The following CDH12 variants were observed in gnomAD, a reference collection of about 807,000 sequenced individuals.
CDH12 encodes cadherin-12.
In CDH12, 41 loss-of-function variants were observed where a neutral mutation model predicts 74.1. The observed-to-expected ratio is 0.55, with a 90% CI of 0.43 to 0.72. The LOEUF (loss-of-function observed/expected upper bound fraction) is 0.72, where lower values mean the gene tolerates loss of function less well. Ranked by LOEUF, CDH12 falls within the 30% of genes least tolerant of loss-of-function variation. CDH12 has a pLI of 0.00. For synonymous variants in CDH12, 399 were observed against 355.0 expected (o/e 1.12, Z -1.39); for missense variants, 945 against 977.2 (o/e 0.97, Z 0.44).
At chr5:22,518,312 A>T (rs965319550) in intron 1 of CDH12, among the ~76,000 whole-genome samples, 2 of 152,220 alleles carry the variant, frequency 1.3e-5, no homozygotes, top group African/African-American at 2.4e-5. Flanking sequence ...CACAAGGAAA[A>T]TGTAGCAGAA....
At chr5:22,313,043 G>A (rs1738458105) in intron 3 of CDH12, among the ~76,000 whole-genome samples, 1 of 152,028 alleles carries the variant, frequency 6.6e-6, no homozygotes, top group African/African-American at 2.4e-5. Flanking sequence ...AGCATCCTAG[G>A]CCACTACATC....
intron 6 of CDH12, among the ~76,000 whole-genome samples, chr5:21,929,429 C>T (rs932984259): frequency 1.3e-5 from 2 of 151,592 alleles, no homozygotes; most frequent in African/African-American, 2.4e-5. Flanking sequence ...AAGGAGTGTA[C>T]AGCCTAGATC....
chr5:22,394,152 G>C (rs896021110), intron 3 of CDH12, among the ~76,000 whole-genome samples: 1 of 152,040 alleles, frequency 6.6e-6, no homozygotes, highest in African/African-American at 2.4e-5. Flanking sequence ...GATATTACTG[G>C]ACAACCTTCT....
rs1220348014 is a variant in CDH12 at position 22,028,297 on chromosome 5, A to G, written c.231+50149T>C. On this transcript the variant is annotated intron_variant, in intron 5 of 14. Coordinates refer to ENST00000382254, the MANE Select transcript of CDH12 (RefSeq NM_004061.5). The stretch of plus-strand genomic sequence containing the variant: ...AGGAGAAGGAAATAAAGGGTATTCA[A>G]TTAGGAAAAGAAGAAGTCAAATTGT... 2.2e-4 allele frequency among the ~76,000 whole-genome samples: 33 copies of G among 152,290 alleles called. 1 individual carries two copies. Among genetic ancestry groups the G allele is most frequent in the Admixed American group, 1.8e-3 (28 of 15,292 alleles).
At chr5:22,387,189 T>C (rs1460580972) in intron 3 of CDH12, among the ~76,000 whole-genome samples, 3 of 152,024 alleles carry the variant, frequency 2.0e-5, no homozygotes, top group Non-Finnish European at 4.4e-5. Context: ...ACTTCTAACA[T>C]ACTATTATTT....
chr5:21,791,497 A>T (rs10074824), intron 10 of CDH12, among the ~76,000 whole-genome samples: 1 of 151,960 alleles, frequency 6.6e-6, no homozygotes, highest in African/African-American at 2.4e-5. Context: ...TATAACATGA[A>T]CTGTGTAATT....
At chr5:21,830,300 T>C (rs1748942019) in intron 8 of CDH12, among the ~76,000 whole-genome samples, 1 of 150,278 alleles carries the variant, frequency 6.7e-6, no homozygotes, top group Non-Finnish European at 1.5e-5. Context: ...CACCACTTGT[T>C]CATCTCCACT....
intron 6 of CDH12, among the ~76,000 whole-genome samples, chr5:21,949,238 C>A (rs1755716143): frequency 1.3e-5 from 2 of 152,022 alleles, no homozygotes; most frequent in African/African-American, 4.8e-5. Context: ...ATCACGAGGT[C>A]AGGAGATCGA....
At chr5:22,086,536 T>G (rs1743080471) in intron 4 of CDH12, among the ~76,000 whole-genome samples, 1 of 151,970 alleles carries the variant, frequency 6.6e-6, no homozygotes, top group Non-Finnish European at 1.5e-5. Flanking sequence ...TTTGTTTGTT[T>G]GTTTGTTTTT....
intron 1 of CDH12, among the ~76,000 whole-genome samples, chr5:22,834,021 G>C (rs904879772): frequency 3.3e-5 from 5 of 152,124 alleles, no homozygotes; most frequent in African/African-American, 1.2e-4. Flanking sequence ...AGATAGACTA[G>C]ACAGCATGAC....
intron 3 of CDH12, among the ~76,000 whole-genome samples, chr5:22,249,848 G>C (rs957965697): frequency 1.4e-5 from 2 of 140,548 alleles, no homozygotes; most frequent in African/African-American, 2.7e-5. Context: ...AATTGCAATG[G>C]ATTATACCTA....
intron 5 of CDH12, among the ~76,000 whole-genome samples, chr5:22,026,469 C>T (rs1187043432): frequency 6.6e-6 from 1 of 152,182 alleles, no homozygotes; most frequent in Non-Finnish European, 1.5e-5. Flanking sequence ...CCATTCCCAT[C>T]ATGCACCTGA....
Position 22,008,950 on chromosome 5 carries a change from G to A in CDH12, c.232-33565C>T, listed in dbSNP as rs114039692. ...ATTATCTTCCATCCTCTTCTATGGC[G>A]TAGAACTTGCTTAATTTTTTGAATG... On this transcript the variant is annotated intron_variant, in intron 5 of 14. Transcript: ENST00000382254. Among the ~76,000 whole-genome samples the A allele has an allele frequency of 4.3e-3, 648 of 152,282 alleles. 8 individuals carry two copies. Among genetic ancestry groups the A allele is most frequent in the Middle Eastern group, 0.014 (4 of 294 alleles).
At chr5:22,311,626 C>T (rs1354984517) in intron 3 of CDH12, among the ~76,000 whole-genome samples, 6 of 150,362 alleles carry the variant, frequency 4.0e-5, no homozygotes, top group Non-Finnish European at 8.8e-5. Context: ...TCGCTTGAAC[C>T]TGGGAGGCAG....
chr5:22,425,532 A>C (rs1743892080), intron 2 of CDH12, among the ~76,000 whole-genome samples: 1 of 152,034 alleles, frequency 6.6e-6, no homozygotes, highest in South Asian at 2.1e-4. Flanking sequence ...ATAATATGAA[A>C]TATGATATGA....
At chr5:21,798,295 C>T (rs1376493428) in intron 10 of CDH12, among the ~76,000 whole-genome samples, 1 of 150,836 alleles carries the variant, frequency 6.6e-6, no homozygotes, top group East Asian at 1.9e-4. Context: ...GCATATAGCC[C>T]TATAAACCAT....
chr5:22,545,951 T>TTGC (rs1738307626), intron 1 of CDH12, among the ~76,000 whole-genome samples: 1 of 152,062 alleles, frequency 6.6e-6, no homozygotes, highest in Admixed American at 6.6e-5. Context: ...GTTGTTGTTG[T>TTGC]TGTTGCTTTT....
intron 3 of CDH12, among the ~76,000 whole-genome samples, chr5:22,274,959 T>C (rs1035325379): frequency 6.6e-6 from 1 of 152,176 alleles, no homozygotes; most frequent in Non-Finnish European, 1.5e-5. Context: ...GTGCACTGTA[T>C]GAGTTCCAAT....
chr5:21,880,535 T>TCCTTCCTTCCTTCC lies in CDH12; in HGVS notation c.527-25746_527-25745insGGAAGGAAGGAAGG, dbSNP rs1752208135. ...CCTCCCTCTTTTCTTTCTTCCTTCT[T>TCCTTCCTTCCTTCC]TTCCTTCCTTCCTTCCTTCCTTCCT... is the stretch of plus-strand genomic sequence containing the variant. On this transcript the variant is annotated intron_variant, in intron 6 of 14. Coordinates refer to ENST00000382254, the MANE Select transcript of CDH12 (RefSeq NM_004061.5). Among the ~76,000 whole-genome samples the TCCTTCCTTCCTTCC allele has an allele frequency of 6.4e-5, 2 of 31,300 alleles. 1 individual carries two copies. The highest frequency in any genetic ancestry group is 1.3e-4 in the African/African-American group (2 of 14,982). 20.5% of individuals were successfully genotyped at this position (31,300 alleles called of 152,430 possible).
Sources: gnomAD v4.1 joint callset for allele counts (sites outside exome capture counted in the v4.1 genomes callset) on GRCh38, gnomAD v4.1.1 for gene constraint, MANE v1.5 for transcripts, NCBI Gene and HGNC (gene_info 2026-07-23, HGNC 2026-07-21) for gene names.